ARHGEF3: variants seen among roughly 807,000 people sequenced by gnomAD.
ARHGEF3 encodes the protein Rho guanine nucleotide exchange factor 3.
Under a neutral mutation model 63.2 loss-of-function variants are expected in ARHGEF3, and 28 were observed. The ratio of observed to expected loss-of-function variants is 0.44; its 90% CI spans 0.33 to 0.61. ARHGEF3 has a LOEUF of 0.61. Among genes scored for constraint, ARHGEF3 ranks in the 20% least tolerant of loss-of-function variants. ARHGEF3 has a pLI of 0.03. For synonymous variants in ARHGEF3, 266 were observed against 254.2 expected (o/e 1.05, Z -0.44); for missense variants, 533 against 659.3 (o/e 0.81, Z 2.10).
intron 3 of ARHGEF3, chr3:56,938,799 C>T (rs1363623045): frequency 6.6e-6 from 1 of 152,248 alleles, no homozygotes; most frequent in Non-Finnish European, 1.5e-5. Flanking sequence ...GCCACTGGCC[C>T]AGGGCGCCTT....
At chr3:56,802,087 A>AGGGGCGT (rs1328679838), upstream of ARHGEF3, 3 of 1,097,838 alleles carry the variant, frequency 2.7e-6, no homozygotes, top group African/African-American at 5.1e-5. Context: ...TGGGGCTGCG[A>AGGGGCGT]GGGGCGTGGG....
chr3:57,034,494 T>C (rs1056449922), intron 2 of ARHGEF3, among the ~76,000 whole-genome samples: 1 of 152,096 alleles, frequency 6.6e-6, no homozygotes, highest in Non-Finnish European at 1.5e-5. Flanking sequence ...TTTAATTCTA[T>C]ATCACATTGG....
chr3:56,768,218 C>T (rs564136836), intron 2 of ARHGEF3, among the ~76,000 whole-genome samples: 3 of 152,046 alleles, frequency 2.0e-5, no homozygotes, highest in Non-Finnish European at 2.9e-5. Flanking sequence ...CCACCACGCC[C>T]GGCTAATTTT....
intron 4 of ARHGEF3, among the ~76,000 whole-genome samples, chr3:56,818,267 T>C (rs1303287085): frequency 6.6e-6 from 1 of 152,182 alleles, no homozygotes; most frequent in African/African-American, 2.4e-5. Context: ...AAATTCTGAA[T>C]TTTATGTGAC....
At chr3:57,034,996 T>G in intron 2 of ARHGEF3, 1 of 1,093,206 alleles carries the variant, frequency 9.1e-7, no homozygotes, top group Non-Finnish European at 1.3e-6. Flanking sequence ...TACTGACTTA[T>G]GTAGGCTTAA....
At chr3:56,751,474 G>C in intron 4 of ARHGEF3, 78 bp from the exon 5 acceptor site, 1 of 1,216,344 alleles carries the variant, frequency 8.2e-7, no homozygotes, top group Non-Finnish European at 1.2e-6. Flanking sequence ...TGGCTCCTGA[G>C]AGGTCCTATC....
intron 6 of ARHGEF3, among the ~76,000 whole-genome samples, chr3:56,748,702 G>A (rs965641622): frequency 1.6e-4 from 25 of 152,084 alleles, no homozygotes; most frequent in African/African-American, 5.8e-4. Context: ...TAAGTCACTT[G>A]GGAAGTTGTT....
At chr3:56,969,016 C>G (rs7371890) in intron 2 of ARHGEF3, among the ~76,000 whole-genome samples, 20,739 of 152,214 alleles carry the variant, frequency 0.14, 1,568 homozygotes, top group East Asian at 0.25. Context: ...GACGCATTCT[C>G]CAAAAGGATG....
chr3:56,922,082 A>G (rs994533920), intron 3 of ARHGEF3, among the ~76,000 whole-genome samples: 6 of 152,188 alleles, frequency 3.9e-5, no homozygotes, highest in African/African-American at 1.2e-4. Context: ...AATGCAAAAA[A>G]AAAAAAGGAA....
chr3:56,795,199 G>A (rs1429050234), intron 1 of ARHGEF3, among the ~76,000 whole-genome samples: 2 of 152,130 alleles, frequency 1.3e-5, no homozygotes, highest in African/African-American at 2.4e-5. Flanking sequence ...GATACAGAGG[G>A]CCAACTGTAT....
chr3:56,967,959 A>ATATT (rs1700662979), intron 2 of ARHGEF3, among the ~76,000 whole-genome samples: 7 of 67,100 alleles, frequency 1.0e-4, no homozygotes, highest in Non-Finnish European at 1.8e-4. Flanking sequence ...TTATATATAT[A>ATATT]AAATATATTT....
chr3:56,808,266 A>G (rs2037937392), intron 4 of ARHGEF3, among the ~76,000 whole-genome samples: 1 of 150,698 alleles, frequency 6.6e-6, no homozygotes, highest in African/African-American at 2.5e-5. Flanking sequence ...GTGGATTATC[A>G]GCTATAAAGC....
At chr3:56,837,353 G>C (rs1028793510) in intron 4 of ARHGEF3, among the ~76,000 whole-genome samples, 2 of 152,248 alleles carry the variant, frequency 1.3e-5, no homozygotes, top group African/African-American at 2.4e-5. Context: ...TCAAACCCTT[G>C]TCTTGTGGTC....
intron 4 of ARHGEF3, among the ~76,000 whole-genome samples, chr3:56,844,525 A>G (rs1301952005): frequency 6.6e-6 from 1 of 152,214 alleles, no homozygotes; most frequent in Non-Finnish European, 1.5e-5. Context: ...AAATAAAACA[A>G]AATTAAAAGG....
chr3:56,733,632 C>CT (rs2033376967), intron 8 of ARHGEF3, among the ~76,000 whole-genome samples: 1 of 152,132 alleles, frequency 6.6e-6, no homozygotes, highest in South Asian at 2.1e-4. Context: ...TTCAGGAACT[C>CT]TAAGTCAGAA....
At chr3:56,911,970 TATATATATACACAC>T (rs1560043536) in intron 3 of ARHGEF3, among the ~76,000 whole-genome samples, 1 of 150,918 alleles carries the variant, frequency 6.6e-6, no homozygotes. Flanking sequence ...TACACACACA[TATATATATACACAC>T]ATATATATAT....
At chr3:56,875,406 C>T (rs1421937168) in intron 4 of ARHGEF3, among the ~76,000 whole-genome samples, 5 of 152,166 alleles carry the variant, frequency 3.3e-5, no homozygotes, top group Non-Finnish European at 7.4e-5. Flanking sequence ...ATCTGAGACT[C>T]ATTCATTCAT....
chr3:56,843,029 G>A (rs2039369047), intron 4 of ARHGEF3, among the ~76,000 whole-genome samples: 1 of 152,064 alleles, frequency 6.6e-6, no homozygotes, highest in Non-Finnish European at 1.5e-5. Context: ...ATTTCTCCTT[G>A]TAAAAACTTT....
intron 2 of ARHGEF3, chr3:56,975,663 G>C (rs1210633962): frequency 3.7e-6 from 1 of 267,262 alleles, no homozygotes; most frequent in Non-Finnish European, 7.4e-6. Context: ...TCAAACCCAG[G>C]CAATCTGGCT....
Sources: allele counts gnomAD v4.1 joint callset (sites outside exome capture counted in the v4.1 genomes callset), GRCh38; gene constraint gnomAD v4.1.1; transcripts MANE v1.5; gene names NCBI Gene and HGNC (gene_info 2026-07-23, HGNC 2026-07-21).